Variants in MGAM observed in about 807,000 individuals in gnomAD.
The protein encoded by MGAM is alpha-1,4-glucosidase.
In MGAM, 253 loss-of-function variants were observed where a neutral mutation model predicts 358.8. That is an observed-to-expected ratio of 0.71 (90% CI 0.64 to 0.78). The LOEUF (loss-of-function observed/expected upper bound fraction) is 0.78, where lower values mean the gene tolerates loss of function less well. Ranked by LOEUF, MGAM falls within the 30% of genes least tolerant of loss-of-function variation. The probability of loss-of-function intolerance (pLI) is 0.00; values close to 1 mark genes in which losing one functional copy is unlikely to be tolerated. For synonymous variants in MGAM, 1,105 were observed against 1,227.1 expected, an observed-to-expected ratio of 0.90 and a Z score of 2.08; for missense variants, 3,080 against 3,432.6, an observed-to-expected ratio of 0.90 and a Z score of 2.57.
chr7:142,020,575 A>G (rs1268201672), intron 4 of MGAM, among the ~76,000 whole-genome samples: 5 of 148,734 alleles, frequency 3.4e-5, no homozygotes, highest in Admixed American at 1.3e-4. Context: ...AATCCCTTTG[A>G]CATGTATCCT....
chr7:141,992,708 A>G (rs1219959939), upstream of MGAM, among the ~76,000 whole-genome samples: 1 of 152,132 alleles, frequency 6.6e-6, no homozygotes, highest in East Asian at 1.9e-4. Flanking sequence ...CAGCTTCCCA[A>G]GTAGCTGGGA....
chr7:142,034,312 C>A lies in MGAM; in HGVS notation c.1720C>A (p.Gln574Lys). The stretch of plus-strand genomic sequence containing the variant: ...CAAGACTCTCTGTATGGATGCAGTG[C>A]AGCACTGGGGCAAGCAGTATGACAT... The part of the protein sequence containing the change: ...FCKTLCMDAV[Q>K]HWGKQYDIHN... Residue 574 changes from glutamine to lysine, a missense_variant, in exon 15 of 71, where the codon CAG becomes AAG. Physicochemically the swap from Gln to Lys is moderately conservative, Grantham distance 53 (BLOSUM62 1). This residue lies in a region of MGAM where 1,816 missense variants were observed against 1,840.5 expected (regional missense o/e 0.99). Coordinates refer to ENST00000475668, the MANE Select transcript of MGAM (RefSeq NM_001365693.1). The A allele has an allele frequency of 1.3e-6, 2 of 1,599,802 alleles. No homozygotes were observed. The highest frequency in any genetic ancestry group is 1.3e-5 in the African/African-American group (1 of 74,854).
chr7:142,096,154 C>T, intron 64 of MGAM, 177 bp from the exon 65 acceptor site: 1 of 651,498 alleles, frequency 1.5e-6, no homozygotes, highest in South Asian at 1.9e-5. Context: ...GTTTGAGGCA[C>T]ATCCCATGGG....
chr7:142,104,809 T>A (rs1816712813), intron 70 of MGAM, among the ~76,000 whole-genome samples: 1 of 152,294 alleles, frequency 6.6e-6, no homozygotes, highest in Admixed American at 6.5e-5. Context: ...ATTAATGCTG[T>A]GTAGTGGTCC....
chr7:142,030,501 C>A lies in MGAM; in HGVS notation c.1353+8C>A. On this transcript the variant is annotated splice_region_variant and intron_variant, in intron 11 of 70. Coordinates refer to ENST00000475668, the MANE Select transcript of MGAM (RefSeq NM_001365693.1). ...AAGCTTGTCATCATTGTGGTATGTA[C>A]TGCCCTCTTTCCACCAAATTAGGTA... 4.3e-6 allele frequency: 7 copies of A among 1,613,468 alleles called. No homozygotes were observed. The highest frequency in any genetic ancestry group is 3.4e-6 in the Non-Finnish European group (4 of 1,179,612).
At chr7:142,036,337 A>C in intron 17 of MGAM, 52 bp downstream of exon 17, 1 of 1,360,516 alleles carries the variant, frequency 7.4e-7, no homozygotes, top group Non-Finnish European at 1.0e-6. Flanking sequence ...CATTAGGACT[A>C]GATCTGTCTG....
chr7:142,100,364 C>T (rs2129065772), intron 67 of MGAM, among the ~76,000 whole-genome samples: 1 of 152,328 alleles, frequency 6.6e-6, no homozygotes, highest in African/African-American at 2.4e-5. Context: ...ATTCACATCT[C>T]TCTGGTATCA....
intron 1 of MGAM, among the ~76,000 whole-genome samples, chr7:142,004,186 A>G (rs1366845689): frequency 6.6e-6 from 1 of 151,564 alleles, no homozygotes; most frequent in African/African-American, 2.4e-5. Flanking sequence ...CAATTCCACT[A>G]CTGAGTATCT....
At chr7:142,022,847 A>C (rs1420509579) in intron 7 of MGAM, among the ~76,000 whole-genome samples, 22 of 152,196 alleles carry the variant, frequency 1.4e-4, no homozygotes, top group Admixed American at 1.3e-3. Context: ...ACCTTTAATC[A>C]CTGACTCACC....
At position 142,086,712 on chromosome 7, in the gene MGAM, G is replaced by A. The variant is rs1456792969; in HGVS notation, c.6805G>A (p.Val2269Met). 2 of 1,111,918 alleles carry A rather than the reference G, an allele frequency of 1.8e-6. 1 individual carries two copies. The highest frequency in any genetic ancestry group is 2.5e-6 in the Non-Finnish European group (2 of 805,316). The allele number at this position is 1,111,918 out of a possible 1,614,324, so 68.9% of individuals were successfully genotyped here. Residue 2269 changes from valine to methionine, a missense_variant, in exon 57 of 71, where the codon GTG becomes ATG. Physicochemically the swap from Val to Met is conservative, Grantham distance 21. Coordinates refer to ENST00000475668, the MANE Select transcript of MGAM (RefSeq NM_001365693.1). ...VNGSLDWDSQVELYRAYVAFP... is the reference protein window; with the variant it reads ...VNGSLDWDSQMELYRAYVAFP... ...TGGGTCTCTAGACTGGGACAGTCAA[G>A]TGGAGGTAAAGGGTCTTTGTAAATT...
At chr7:142,101,255 G>A (rs561624972) in intron 68 of MGAM, among the ~76,000 whole-genome samples, 10 of 152,140 alleles carry the variant, frequency 6.6e-5, no homozygotes, top group East Asian at 1.9e-4. Context: ...ACCTCTATCC[G>A]TTGTATTATT....
intron 68 of MGAM, among the ~76,000 whole-genome samples, chr7:142,101,716 A>C (rs987393317): frequency 6.6e-6 from 1 of 150,534 alleles, no homozygotes; most frequent in Non-Finnish European, 1.5e-5. Context: ...GATCAGCCTG[A>C]CCAACATGCA....
At chr7:142,040,356 G>T in intron 20 of MGAM, 185 bp downstream of exon 20, 1 of 603,844 alleles carries the variant, frequency 1.7e-6, no homozygotes, top group Non-Finnish European at 2.9e-6. Flanking sequence ...ATGATGAAAT[G>T]TGAAAAAATA....
intron 2 of MGAM, among the ~76,000 whole-genome samples, chr7:141,990,001 C>T (rs1803875306): frequency 6.6e-6 from 1 of 152,114 alleles, no homozygotes; most frequent in Non-Finnish European, 1.5e-5. Flanking sequence ...CACACTGGGC[C>T]TCATCTGTCA....
intron 4 of MGAM, 61 bp downstream of exon 4, chr7:142,019,380 C>T (rs565098649): frequency 6.4e-7 from 1 of 1,571,792 alleles, no homozygotes; most frequent in Non-Finnish European, 8.6e-7. Flanking sequence ...ACTCTGTATC[C>T]CCCAGGGGCA....
chr7:142,082,819 A>C (rs569137673), intron 52 of MGAM, among the ~76,000 whole-genome samples: 1 of 146,332 alleles, frequency 6.8e-6, no homozygotes, highest in African/African-American at 2.4e-5. Flanking sequence ...CATGGGTCCC[A>C]AATGTCTTGG....
chr7:142,049,059 T>C (rs548001030), intron 22 of MGAM, among the ~76,000 whole-genome samples: 1 of 152,306 alleles, frequency 6.6e-6, no homozygotes, highest in South Asian at 2.1e-4. Flanking sequence ...TACTGTCTGC[T>C]TCTAGGAGCT....
intron 21 of MGAM, among the ~76,000 whole-genome samples, chr7:142,041,909 ATATATACG>A: frequency 2.6e-5 from 1 of 37,792 alleles, no homozygotes; most frequent in Admixed American, 4.7e-4. Context: ...TATATATTAT[ATATATACG>A]TATAATATAT....
chr7:142,021,736 T>C lies in MGAM; in HGVS notation c.709T>C (p.Leu237=), dbSNP rs1806477511. 2 of 1,613,764 alleles carry C rather than the reference T, an allele frequency of 1.2e-6. No individual in the cohort carries two copies. Among genetic ancestry groups the C allele is most frequent in the Non-Finnish European group, 1.7e-6 (2 of 1,179,798 alleles). The change falls in exon 6 of 71, where the codon TTG becomes CTG. Residue 237 remains leucine (L), a splice_region_variant and synonymous_variant. Transcript: ENST00000475668. ...KVTRRSNNRV[L]FDSSIGPLLF... ...GACCAGAAGAAGCAACAATCGTGTT[T>C]TGTAAGTTTTGGAAACCTATCTAAG...
Sources: gnomAD v4.1 joint callset for allele counts (sites outside exome capture counted in the v4.1 genomes callset) on GRCh38, gnomAD v4.1.1 for gene constraint, gnomAD v4.1.1 regional missense constraint, MANE v1.5 for transcripts, NCBI Gene and HGNC (gene_info 2026-07-23, HGNC 2026-07-21) for gene names.